The following DAB1 variants were observed in gnomAD, a reference collection of about 807,000 sequenced individuals.
The protein encoded by DAB1 is DAB adaptor protein 1, also known as disabled homolog 1.
DAB1 carries 15 observed loss-of-function variants against 64.6 expected under a neutral mutation model. That is an observed-to-expected ratio of 0.23 (90% confidence interval 0.16 to 0.36). The LOEUF (loss-of-function observed/expected upper bound fraction) is 0.36. Ranked by LOEUF, DAB1 falls within the 10% of genes least tolerant of loss-of-function variation. DAB1 has a pLI of 1.00. For missense variants in DAB1, 596 were observed against 706.7 expected (o/e 0.84, Z 1.78); for synonymous variants, 235 against 251.9 (o/e 0.93, Z 0.64).
intron 3 of DAB1, among the ~76,000 whole-genome samples, chr1:58,427,876 C>T (rs191274333): frequency 1.3e-5 from 2 of 152,176 alleles, no homozygotes; most frequent in African/African-American, 4.8e-5. Context: ...TTTACACCAG[C>T]CAAAGATGGG....
chr1:57,227,903 T>A (rs971807347), intron 2 of DAB1, among the ~76,000 whole-genome samples: 5 of 152,114 alleles, frequency 3.3e-5, no homozygotes, highest in Non-Finnish European at 2.9e-5. Flanking sequence ...CAAGAGGGCA[T>A]AACTTAGGGG....
intron 6 of DAB1, among the ~76,000 whole-genome samples, chr1:57,729,617 T>C (rs1314710809): frequency 6.6e-6 from 1 of 152,240 alleles, no homozygotes; most frequent in Non-Finnish European, 1.5e-5. Flanking sequence ...CATATTTCAG[T>C]GGCTCTCCAG....
At chr1:57,115,415 G>T (rs974469526) in intron 4 of DAB1, among the ~76,000 whole-genome samples, 2 of 152,192 alleles carry the variant, frequency 1.3e-5, no homozygotes, top group African/African-American at 4.8e-5. Flanking sequence ...AGGACAGAGT[G>T]AGACATACTC....
chr1:58,435,331 T>C (rs1644929614), intron 3 of DAB1, among the ~76,000 whole-genome samples: 1 of 152,226 alleles, frequency 6.6e-6, no homozygotes, highest in Admixed American at 6.5e-5. Context: ...TTGCTGATGT[T>C]CCATTCTCAC....
intron 5 of DAB1, among the ~76,000 whole-genome samples, chr1:58,147,315 A>C (rs1237457855): frequency 2.0e-5 from 3 of 148,684 alleles, no homozygotes; most frequent in African/African-American, 7.4e-5. Context: ...TCAAAAAAAA[A>C]AAAAAAAAAA....
chr1:57,097,164 G>A (rs538233465), intron 4 of DAB1, among the ~76,000 whole-genome samples: 102 of 152,284 alleles, frequency 6.7e-4, no homozygotes, highest in Non-Finnish European at 1.1e-3. Context: ...AAGAATGAAT[G>A]AGCAATATTT....
At chr1:58,178,090 G>A (rs1656586793) in intron 4 of DAB1, among the ~76,000 whole-genome samples, 1 of 152,108 alleles carries the variant, frequency 6.6e-6, no homozygotes, top group Non-Finnish European at 1.5e-5. Context: ...TATGGATTCT[G>A]TTCTCTCAGC....
chr1:57,515,224 A>G (rs1644450211), intron 7 of DAB1, among the ~76,000 whole-genome samples: 1 of 152,374 alleles, frequency 6.6e-6, no homozygotes, highest in East Asian at 1.9e-4. Flanking sequence ...CCCTGTAGCA[A>G]TATGTGCAGA....
intron 6 of DAB1, among the ~76,000 whole-genome samples, chr1:57,662,257 G>A (rs184740164): frequency 3.9e-5 from 6 of 152,224 alleles, no homozygotes; most frequent in South Asian, 2.1e-4. Flanking sequence ...GTGCAATGGC[G>A]CGATCTCGGC....
chr1:57,477,412 G>T (rs981342952), intron 7 of DAB1, among the ~76,000 whole-genome samples: 1 of 151,990 alleles, frequency 6.6e-6, no homozygotes, highest in Non-Finnish European at 1.5e-5. Flanking sequence ...TTTTGTTAAG[G>T]CTGGCTGAAG....
intron 2 of DAB1, among the ~76,000 whole-genome samples, chr1:57,201,934 C>T (rs1665136529): frequency 6.6e-6 from 1 of 152,156 alleles, no homozygotes; most frequent in Non-Finnish European, 1.5e-5. Flanking sequence ...GCATCTTACA[C>T]AGACTACGTA....
At chr1:57,494,323 A>C (rs531824326) in intron 7 of DAB1, among the ~76,000 whole-genome samples, 1 of 152,128 alleles carries the variant, frequency 6.6e-6, no homozygotes, top group East Asian at 1.9e-4. Context: ...TGGGCTTGAC[A>C]CAGTCAGTGA....
At chr1:58,415,174 C>T (rs925769885) in intron 3 of DAB1, among the ~76,000 whole-genome samples, 13 of 152,130 alleles carry the variant, frequency 8.5e-5, no homozygotes, top group South Asian at 2.1e-4. Context: ...TGAATGCATG[C>T]ACCATGTGAG....
At chr1:57,385,428 C>A (rs991805350) in intron 1 of DAB1, among the ~76,000 whole-genome samples, 2 of 152,086 alleles carry the variant, frequency 1.3e-5, no homozygotes, top group South Asian at 2.1e-4. Flanking sequence ...TGGTTCTGGG[C>A]AGGATAAAAA....
At chr1:58,250,661 G>C (rs911467542) in intron 4 of DAB1, among the ~76,000 whole-genome samples, 1 of 152,192 alleles carries the variant, frequency 6.6e-6, no homozygotes, top group African/African-American at 2.4e-5. Context: ...GAGCTCTGAG[G>C]GGGAAGGACC....
chr1:58,346,746 C>T (rs1483204871), intron 3 of DAB1, among the ~76,000 whole-genome samples: 2 of 152,158 alleles, frequency 1.3e-5, no homozygotes, highest in Non-Finnish European at 2.9e-5. Context: ...CTCAATGGAC[C>T]TCAGGATCCT....
intron 5 of DAB1, among the ~76,000 whole-genome samples, chr1:58,064,644 A>C (rs1044898093): frequency 2.6e-5 from 4 of 152,232 alleles, no homozygotes; most frequent in Admixed American, 6.5e-5. Flanking sequence ...CATTCCAGGC[A>C]TTTAACTTGG....
chr1:57,994,575 C>G (rs1204948967), intron 5 of DAB1, among the ~76,000 whole-genome samples: 2 of 152,192 alleles, frequency 1.3e-5, no homozygotes, highest in African/African-American at 2.4e-5. Context: ...CTCCAGTATC[C>G]TAGGACCAGC....
intron 1 of DAB1, among the ~76,000 whole-genome samples, chr1:57,355,176 T>G: frequency 6.6e-6 from 1 of 152,130 alleles, no homozygotes; most frequent in African/African-American, 2.4e-5. Context: ...CCCTCTTCCT[T>G]CTCTTTTTTC....
Sources: allele counts gnomAD v4.1 joint callset (sites outside exome capture counted in the v4.1 genomes callset), GRCh38; gene constraint gnomAD v4.1.1; transcripts MANE v1.5; gene names NCBI Gene and HGNC (gene_info 2026-07-23, HGNC 2026-07-21).